The following ACOT4 variants were observed in gnomAD, a reference collection of about 807,000 sequenced individuals.
The protein encoded by ACOT4 is peroxisomal succinyl-coenzyme A thioesterase.
A neutral mutation model predicts 17.1 loss-of-function variants in ACOT4; 18 were observed. That is an observed-to-expected ratio of 1.05 (90% confidence interval 0.73 to 1.56). The LOEUF (loss-of-function observed/expected upper bound fraction) is 1.56, where lower values mean the gene tolerates loss of function less well. Among genes scored for constraint, ACOT4 ranks in the 40% most tolerant of loss-of-function variants. The pLI, the probability that ACOT4 is intolerant of heterozygous loss-of-function variation, is 0.00. For missense variants in ACOT4, 574 were observed against 557.2 expected (o/e 1.03, Z -0.30); for synonymous variants, 234 against 236.6 (o/e 0.99, Z 0.10).
Position 73,592,092 on chromosome 14 carries a change from C to A in ACOT4, c.133C>A (p.Leu45Ile). The change falls in exon 1 of 3, where the codon CTC becomes ATC. Residue 45 changes from leucine to isoleucine, a missense_variant. Physicochemically the swap from Leu to Ile is conservative, Grantham distance 5 (BLOSUM62 2). Coordinates refer to ENST00000326303, the MANE Select transcript of ACOT4 (RefSeq NM_152331.4). ...RASLRDEKGA[L>I]FRAHARYCAD... ...GTCCCTGCGCGACGAGAAGGGCGCG[C>A]TCTTCCGGGCCCACGCGCGCTACTG... 1 of 1,490,968 alleles carries A rather than the reference C, an allele frequency of 6.7e-7. No homozygotes were observed. Among genetic ancestry groups the A allele is most frequent in the Non-Finnish European group, 8.9e-7 (1 of 1,122,530 alleles). 92.4% of individuals were successfully genotyped at this position (1,490,968 alleles called of 1,614,324 possible). A position where few individuals can be genotyped will look rare whatever the true frequency, so the allele number is the denominator to read the frequency against.
rs1779573965 is a variant in ACOT4, at chr14:73,592,221, A to C, written c.262A>C (p.Lys88Gln). ...MGLLWALEPEKPFWRFLKRDV... is the reference protein window; with the variant it reads ...MGLLWALEPEQPFWRFLKRDV... ...GCTGCTCTGGGCCCTGGAACCCGAG[A>C]AGCCTTTTTGGCGCTTCCTGAAGCG... is the stretch of plus-strand genomic sequence containing the variant. The change falls in exon 1 of 3, where the codon AAG becomes CAG. Residue 88 changes from lysine to glutamine, a missense_variant. Transcript: ENST00000326303. The C allele has an allele frequency of 1.2e-6, 2 of 1,612,900 alleles. No individual in the cohort carries two copies. Among genetic ancestry groups the C allele is most frequent in the Non-Finnish European group, 1.7e-6 (2 of 1,179,418 alleles).
Position 73,591,907 on chromosome 14 carries a change from A to C in ACOT4, c.-53A>C. The C allele has an allele frequency of 7.5e-7, 1 of 1,341,040 alleles. No homozygotes were observed. The highest frequency in any genetic ancestry group is 2.1e-5 in the South Asian group (1 of 47,948). 83.1% of individuals were successfully genotyped at this position (1,341,040 alleles called of 1,614,324 possible). A position where few individuals can be genotyped will look rare whatever the true frequency, so the allele number is the denominator to read the frequency against. On this transcript the variant is annotated 5_prime_UTR_variant, in exon 1 of 3. Transcript: ENST00000326303. ...CCGGACATTCGGCGCGCTTGCCACG[A>C]TCTTGGACGGGTCTCGGGCCTCGAC...
At position 73,595,480 on chromosome 14, in the gene ACOT4, T is replaced by G. The variant is rs1451917327; in HGVS notation, c.1092T>G (p.Pro364=). Residue 364 remains proline (P), a synonymous_variant, in exon 3 of 3, where the codon CCT becomes CCG. Transcript: ENST00000326303. ...CYPGTGHYIE[P]PYFPLCPASL... ...CTGGGACTGGGCATTACATCGAGCC[T>G]CCTTACTTCCCCCTGTGCCCAGCTT... 1 of 1,613,964 alleles carries G rather than the reference T, an allele frequency of 6.2e-7. No homozygotes were observed. Among genetic ancestry groups the G allele is most frequent in the African/African-American group, 1.3e-5 (1 of 74,926 alleles).
intron 1 of ACOT4, 140 bp downstream of exon 1, chr14:73,592,556 A>G: frequency 9.2e-7 from 1 of 1,089,892 alleles, no homozygotes; most frequent in East Asian, 2.7e-5. Context: ...CACTCTACCA[A>G]AATAGAGGGT....
In ACOT4 at chr14:73,593,722, A is replaced by G. The variant is rs1890194717; in HGVS notation, c.478A>G (p.Ile160Val). The stretch of plus-strand genomic sequence containing the variant: ...TCTAGGACCTGGACCCTTCCCAGGG[A>G]TCATTGACATCTTTGGTATTGGAGG... Reference protein sequence around the residue: ...LPPGPGPFPGIIDIFGIGGGL... With the variant: ...LPPGPGPFPGVIDIFGIGGGL... Residue 160 changes from isoleucine to valine, a missense_variant, in exon 2 of 3, where the codon ATC (isoleucine) becomes GTC (valine). By Grantham distance (29) the Ile-to-Val change is conservative. Transcript: ENST00000326303. 1 of 1,612,360 alleles carries G rather than the reference A, an allele frequency of 6.2e-7. No homozygotes were observed. Among genetic ancestry groups the G allele is most frequent in the South Asian group, 1.1e-5 (1 of 90,970 alleles).
intron 1 of ACOT4, 30 bp downstream of exon 1, chr14:73,592,446 G>C: frequency 6.8e-7 from 1 of 1,475,544 alleles, no homozygotes; most frequent in East Asian, 2.5e-5. Context: ...GGTGGTGTGA[G>C]CGTCAGTGGC....
chr14:73,595,232 A>C lies in ACOT4; in HGVS notation c.844A>C (p.Ile282Leu). The change falls in exon 3 of 3, where the codon ATC becomes CTC. Residue 282 changes from isoleucine (I) to leucine (L), a missense_variant. Coordinates refer to ENST00000326303, the MANE Select transcript of ACOT4 (RefSeq NM_152331.4). Reference sequence around the variant, plus strand: ...ACCATTGGGCTATGACCTGAGGAGAATCAAGGTAGCTTTCTCAGGCCTCGT... The same window carrying C: ...ACCATTGGGCTATGACCTGAGGAGACTCAAGGTAGCTTTCTCAGGCCTCGT... ...IPPLGYDLRR[I>L]KVAFSGLVDI... 3 of 1,614,232 alleles carry C rather than the reference A, an allele frequency of 1.9e-6. No individual in the cohort carries two copies. Among genetic ancestry groups the C allele is most frequent in the Non-Finnish European group, 2.5e-6 (3 of 1,180,034 alleles).
At chr14:73,593,943 A>G (rs1215642338) in intron 2 of ACOT4, 39 bp downstream of exon 2, 2 of 1,548,722 alleles carry the variant, frequency 1.3e-6, no homozygotes, top group Non-Finnish European at 1.8e-6. Flanking sequence ...TCTCTCTAGA[A>G]ATATTTCCAT....
At position 73,593,838 on chromosome 14, in the gene ACOT4, T is replaced by C. The variant is rs1890198528; in HGVS notation, c.594T>C (p.Asn198=). 6.2e-7 allele frequency: 1 copy of C among 1,614,114 alleles called. No individual in the cohort carries two copies. ...ATTATAACTTTGAAGATCTCCCCAA[T>C]AACATGGACAACATATCCCTGGAGT... ...LAYYNFEDLP[N]NMDNISLEYF... The change falls in exon 2 of 3, where the codon AAT becomes AAC. Residue 198 remains asparagine (N), a synonymous_variant. Coordinates refer to ENST00000326303, the MANE Select transcript of ACOT4 (RefSeq NM_152331.4).
At chr14:73,594,565 G>C (rs1160668092) in intron 2 of ACOT4, among the ~76,000 whole-genome samples, 1 of 152,182 alleles carries the variant, frequency 6.6e-6, no homozygotes, top group Non-Finnish European at 1.5e-5. Context: ...CTGCACATGG[G>C]AAGAAACTCC....
intron 1 of ACOT4, 141 bp downstream of exon 1, chr14:73,592,557 A>ACCCTCT: frequency 1.8e-6 from 2 of 1,090,850 alleles, no homozygotes; most frequent in Non-Finnish European, 2.5e-6. Flanking sequence ...ACTCTACCAA[A>ACCCTCT]ATAGAGGGTT....
Position 73,595,296 on chromosome 14 carries a change from A to G in ACOT4, c.908A>G (p.Tyr303Cys), listed in dbSNP as rs140243085. 1.0e-4 allele frequency: 162 copies of G among 1,614,102 alleles called. No individual in the cohort carries two copies. Among genetic ancestry groups the G allele is most frequent in the Non-Finnish European group, 1.3e-4 (153 of 1,180,050 alleles). ...ATAAGGAATGCTCTCGTAGGAGGGT[A>G]CAAGAACCCCAGCATGATTCCAATA... is the stretch of plus-strand genomic sequence containing the variant. ...VDIRNALVGG[Y>C]KNPSMIPIEK... Residue 303 changes from tyrosine (Y) to cysteine (C), a missense_variant, in exon 3 of 3, where the codon TAC becomes TGC. Tyr to Cys is a radical substitution (Grantham distance 194). Transcript: ENST00000326303.
chr14:73,594,909 TG>T, intron 2 of ACOT4, 139 bp from the exon 3 acceptor site: 1 of 960,000 alleles, frequency 1.0e-6, no homozygotes, highest in Non-Finnish European at 1.6e-6. Context: ...TCTGCCATGT[TG>T]GCCAGGCTGG....
rs142376300 is a variant in ACOT4, at chr14:73,595,498, C to T, written c.1110C>T (p.Cys370=). Residue 370 remains cysteine (C), a synonymous_variant, in exon 3 of 3, where the codon TGC becomes TGT. Transcript: ENST00000326303. ...HYIEPPYFPL[C]PASLHRLLNK... ...TCGAGCCTCCTTACTTCCCCCTGTGCCCAGCTTCCCTTCACAGATTACTGA... is the reference window on the plus strand; with the variant it reads ...TCGAGCCTCCTTACTTCCCCCTGTGTCCAGCTTCCCTTCACAGATTACTGA... 2.0e-4 allele frequency: 319 copies of T among 1,613,900 alleles called. No homozygotes were observed. Among genetic ancestry groups the T allele is most frequent in the Admixed American group, 3.2e-4 (19 of 60,008 alleles).
Position 73,595,339 on chromosome 14 carries a change from C to T in ACOT4, c.951C>T (p.Pro317=), listed in dbSNP as rs760559430. ...SMIPIEKAQG[P]ILLIVGQDDH... The stretch of plus-strand genomic sequence containing the variant: ...TTCCAATAGAGAAGGCCCAGGGGCC[C>T]ATCCTGCTCATTGTTGGTCAGGATG... Residue 317 remains proline, a synonymous_variant, in exon 3 of 3, where the codon CCC becomes CCT. Coordinates refer to ENST00000326303, the MANE Select transcript of ACOT4 (RefSeq NM_152331.4). 4 of 1,614,216 alleles carry T rather than the reference C, an allele frequency of 2.5e-6. No individual in the cohort carries two copies. The highest frequency in any genetic ancestry group is 2.2e-5 in the East Asian group (1 of 44,890).
chr14:73,595,306 C>T lies in ACOT4; in HGVS notation c.918C>T (p.Pro306=). The T allele has an allele frequency of 6.2e-7, 1 of 1,614,200 alleles. No individual in the cohort carries two copies. The highest frequency in any genetic ancestry group is 8.5e-7 in the Non-Finnish European group (1 of 1,180,042). ...CTCTCGTAGGAGGGTACAAGAACCCCAGCATGATTCCAATAGAGAAGGCCC... is the reference window on the plus strand; with the variant it reads ...CTCTCGTAGGAGGGTACAAGAACCCTAGCATGATTCCAATAGAGAAGGCCC... ...RNALVGGYKN[P]SMIPIEKAQG... is the part of the protein sequence containing the mutation. The change falls in exon 3 of 3, where the codon CCC becomes CCT. Residue 306 remains proline, a synonymous_variant. Coordinates refer to ENST00000326303, the MANE Select transcript of ACOT4 (RefSeq NM_152331.4).
intron 2 of ACOT4, among the ~76,000 whole-genome samples, 158 bp from the exon 3 acceptor site, chr14:73,594,891 G>C (rs1890219404): frequency 6.6e-6 from 1 of 152,058 alleles, no homozygotes. Context: ...TTTTAATAGA[G>C]ACAGGGTTCT....
chr14:73,592,151 C>G lies in ACOT4; in HGVS notation c.192C>G (p.Arg64=), dbSNP rs778519195. 1.9e-6 allele frequency: 3 copies of G among 1,594,578 alleles called. No homozygotes were observed. The highest frequency in any genetic ancestry group is 1.7e-6 in the Non-Finnish European group (2 of 1,171,810). The change falls in exon 1 of 3, where the codon CGC becomes CGG. Residue 64 remains arginine (R), a synonymous_variant. Transcript: ENST00000326303. ...ADARGELDLE[R]APALGGSFAG... is the part of the protein sequence containing the mutation. ...CCCGCGGCGAGCTGGACCTGGAGCGCGCACCCGCGCTGGGCGGCAGCTTCG... is the reference window on the plus strand; with the variant it reads ...CCCGCGGCGAGCTGGACCTGGAGCGGGCACCCGCGCTGGGCGGCAGCTTCG...
Position 73,595,589 on chromosome 14 carries a change from C to T in ACOT4, c.1201C>T (p.Gln401Ter). 1.3e-6 allele frequency: 2 copies of T among 1,571,750 alleles called. No homozygotes were observed. Among genetic ancestry groups the T allele is most frequent in the Non-Finnish European group, 1.7e-6 (2 of 1,155,830 alleles). ...HSKAQEDAWKQILAFFCKHLG... is the reference protein window; with the variant it reads ...HSKAQEDAWK ...TAAGGCCCAGGAAGATGCCTGGAAG[C>T]AAATTCTAGCCTTCTTCTGCAAACA... is the stretch of plus-strand genomic sequence containing the variant. Residue 401 changes from glutamine (Q) to a stop codon, truncating the protein, a stop_gained, in exon 3 of 3, where the codon CAA (glutamine) becomes TAA (stop). Coordinates refer to ENST00000326303, the MANE Select transcript of ACOT4 (RefSeq NM_152331.4). LOFTEE classifies it low-confidence loss of function (END_TRUNC).
Sources: allele counts gnomAD v4.1 joint callset (sites outside exome capture counted in the v4.1 genomes callset), GRCh38; gene constraint gnomAD v4.1.1; transcripts MANE v1.5; gene names NCBI Gene and HGNC (gene_info 2026-07-23, HGNC 2026-07-21).